Variants in CACNA1A observed in about 807,000 individuals in gnomAD.
CACNA1A encodes the protein calcium voltage-gated channel subunit alpha1 A.
In CACNA1A, 57 loss-of-function variants were observed where a neutral mutation model predicts 262.4. The observed-to-expected ratio is 0.22, with a 90% CI of 0.18 to 0.27. The LOEUF is 0.27. CACNA1A is among the 10% of genes least tolerant of loss of function. The probability of loss-of-function intolerance (pLI) is 1.00; values close to 1 mark genes in which losing one functional copy is unlikely to be tolerated. For missense variants in CACNA1A, 2,526 were observed against 3,562.8 expected (o/e 0.71, Z 7.41); for synonymous variants, 1,431 against 1,419.3 (o/e 1.01, Z -0.18).
chr19:13,346,617 TA>T (rs2058768592), intron 6 of CACNA1A, among the ~76,000 whole-genome samples: 18 of 3,952 alleles, frequency 4.6e-3, no homozygotes, highest in South Asian at 0.018. Flanking sequence ...TTTAATTGAT[TA>T]TATATATATA....
chr19:13,354,845 C>T (rs961638172), intron 6 of CACNA1A, among the ~76,000 whole-genome samples: 7 of 150,338 alleles, frequency 4.7e-5, no homozygotes, highest in Admixed American at 2.0e-4. Context: ...CACAGACACA[C>T]GAAGGGAGGA....
At position 13,421,457 on chromosome 19, in the gene CACNA1A, T is replaced by C. The variant is rs1452678684; in HGVS notation, c.539+31419A>G. Among the ~76,000 whole-genome samples the C allele has an allele frequency of 2.0e-5, 3 of 152,218 alleles. No homozygotes were observed. The East Asian group carries it at 5.8e-4, about 29-fold the overall frequency. ...CAGATAATTTAAACCTCAATTATAA[T>C]ACAGGGGGATAAAAAACCTGGTGGA... On this transcript the variant is annotated intron_variant, in intron 3 of 46. Transcript: ENST00000360228.
chr19:13,317,336 A>T lies in CACNA1A; in HGVS notation c.1346-15T>A. On this transcript the variant is annotated splice_polypyrimidine_tract_variant and intron_variant, in intron 10 of 46. Coordinates refer to ENST00000360228, the MANE Select transcript of CACNA1A (RefSeq NM_001127222.2). ...GAAGGGAGAACCTGCCAGGGAAAAG[A>T]TGGAGAATGTCAGGCTCAGGCTGTT... 1 of 1,590,538 alleles carries T rather than the reference A, an allele frequency of 6.3e-7. No individual in the cohort carries two copies. Among genetic ancestry groups the T allele is most frequent in the South Asian group, 1.1e-5 (1 of 90,118 alleles).
At chr19:13,256,501 CTTTTT>C (rs904627120) in intron 28 of CACNA1A, 1 of 147,834 alleles carries the variant, frequency 6.8e-6, no homozygotes, top group Non-Finnish European at 1.5e-5. Flanking sequence ...CTTTCCTTTT[CTTTTT>C]TTGAGAGAGG....
chr19:13,314,459 C>T (rs1416322975), intron 11 of CACNA1A, among the ~76,000 whole-genome samples: 1 of 152,086 alleles, frequency 6.6e-6, no homozygotes, highest in Non-Finnish European at 1.5e-5. Flanking sequence ...ATTAGGTGCC[C>T]TTATAAAAGA....
At position 13,389,874 on chromosome 19, in the gene CACNA1A, G is replaced by A. The variant is rs1372587923; in HGVS notation, c.540-18095C>T. Reference sequence around the variant, plus strand: ...GTCGCCCAGGCCGGAGTGCAGTGGCGCAATCTCAGCTCACTGCAACCTCTG... The same window carrying A: ...GTCGCCCAGGCCGGAGTGCAGTGGCACAATCTCAGCTCACTGCAACCTCTG... On this transcript the variant is annotated intron_variant, in intron 3 of 46. Transcript: ENST00000360228. 5.3e-5 allele frequency among the ~76,000 whole-genome samples: 8 copies of A among 152,094 alleles called. No individual in the cohort carries two copies. In the East Asian group the frequency reaches 1.2e-3, roughly 22 times the overall value.
intron 3 of CACNA1A, among the ~76,000 whole-genome samples, chr19:13,399,308 A>G (rs2059859353): frequency 1.3e-5 from 2 of 152,066 alleles, no homozygotes; most frequent in Admixed American, 1.3e-4. Flanking sequence ...CTGAGTCACT[A>G]AAGAAAACGG....
intron 3 of CACNA1A, among the ~76,000 whole-genome samples, chr19:13,399,567 C>G (rs1233959921): frequency 6.6e-6 from 1 of 152,164 alleles, no homozygotes; most frequent in Non-Finnish European, 1.5e-5. Context: ...GTCAAATCCT[C>G]TAATGAGCAC....
At chr19:13,462,429 T>C (rs1401252392) in intron 1 of CACNA1A, among the ~76,000 whole-genome samples, 2 of 152,188 alleles carry the variant, frequency 1.3e-5, no homozygotes, top group Admixed American at 6.5e-5. Context: ...CCTAGATATA[T>C]GGGTTTAAGA....
intron 1 of CACNA1A, among the ~76,000 whole-genome samples, chr19:13,459,951 A>T (rs973925687): frequency 6.6e-6 from 1 of 152,218 alleles, no homozygotes; most frequent in Non-Finnish European, 1.5e-5. Flanking sequence ...ATAAAACCTT[A>T]GCACGTAGGC....
chr19:13,285,351 G>T (rs1310927811), intron 20 of CACNA1A, 145 bp from the exon 21 acceptor site: 1 of 795,788 alleles, frequency 1.3e-6, no homozygotes, highest in Non-Finnish European at 2.0e-6. Context: ...TGACATCACT[G>T]AACCCTTGTA....
At chr19:13,276,880 T>C (rs1455893137) in intron 23 of CACNA1A, among the ~76,000 whole-genome samples, 189 bp downstream of exon 23, 7 of 151,810 alleles carry the variant, frequency 4.6e-5, no homozygotes, top group African/African-American at 1.5e-4. Context: ...CCCGGCTAAT[T>C]TTTGTATTTT....
intron 19 of CACNA1A, among the ~76,000 whole-genome samples, chr19:13,289,139 T>TC (rs1555753683): frequency 8.6e-6 from 1 of 116,940 alleles, no homozygotes; most frequent in East Asian, 3.7e-4. Context: ...CTCGGCAATG[T>TC]CTTTTTTTTT....
chr19:13,417,687 C>G (rs911112143), intron 3 of CACNA1A, among the ~76,000 whole-genome samples: 1 of 151,956 alleles, frequency 6.6e-6, no homozygotes, highest in African/African-American at 2.4e-5. Flanking sequence ...GTCAGGAGAT[C>G]GAGACCAGCC....
At position 13,424,951 on chromosome 19, in the gene CACNA1A, C is replaced by CCT. The variant is rs1568631602; in HGVS notation, c.539+27924_539+27925insAG. ...TCCCAAGTAGCTGGGATTACAGGCA[C>CCT]GCACCACCACACCCAGCTAATTTTT... On this transcript the variant is annotated intron_variant, in intron 3 of 46. Coordinates refer to ENST00000360228, the MANE Select transcript of CACNA1A (RefSeq NM_001127222.2). 3.8e-3 allele frequency among the ~76,000 whole-genome samples: 571 copies of CCT among 152,144 alleles called. 5 individuals carry two copies. The highest frequency in any genetic ancestry group is 0.013 in the African/African-American group (525 of 41,508).
chr19:13,416,452 C>T (rs1170283893), intron 3 of CACNA1A, among the ~76,000 whole-genome samples: 7 of 151,932 alleles, frequency 4.6e-5, no homozygotes, highest in South Asian at 4.2e-4. Context: ...GAGGCCGAGG[C>T]GGTGGATCAC....
At chr19:13,220,359 T>A (rs971294383) in intron 38 of CACNA1A, among the ~76,000 whole-genome samples, 1 of 152,080 alleles carries the variant, frequency 6.6e-6, no homozygotes, top group African/African-American at 2.4e-5. Context: ...AGCACAGTAT[T>A]GTCTCTGCTG....
chr19:13,388,697 T>C (rs1030938009), intron 3 of CACNA1A, among the ~76,000 whole-genome samples: 11 of 152,284 alleles, frequency 7.2e-5, no homozygotes, highest in African/African-American at 2.6e-4. Flanking sequence ...ATGCATTAAT[T>C]CCCCTATATC....
intron 27 of CACNA1A, 70 bp from the exon 28 acceptor site, chr19:13,257,621 G>A (rs1033246224): frequency 4.1e-5 from 40 of 973,580 alleles, no homozygotes; most frequent in Non-Finnish European, 5.5e-5. Flanking sequence ...GGGTGATGAG[G>A]AAGGTGGAGA....
Sources: allele counts gnomAD v4.1 joint callset (sites outside exome capture counted in the v4.1 genomes callset), GRCh38; gene constraint gnomAD v4.1.1; transcripts MANE v1.5; gene names NCBI Gene and HGNC (gene_info 2026-07-23, HGNC 2026-07-21).